ABLIM1: variants seen among roughly 807,000 people sequenced by gnomAD.
ABLIM1 encodes actin-binding LIM protein 1.
Under a neutral mutation model 107.0 loss-of-function variants are expected in ABLIM1, and 40 were observed. That is an observed-to-expected ratio of 0.37 (90% CI 0.29 to 0.49). The LOEUF (loss-of-function observed/expected upper bound fraction) is 0.49. Among genes scored for constraint, ABLIM1 ranks in the 20% least tolerant of loss-of-function variants. The pLI is 0.97. For missense variants in ABLIM1, 857 were observed against 1,008.5 expected (o/e 0.85, Z 2.04); for synonymous variants, 357 against 357.3 (o/e 1.00, Z 0.01).
chr10:114,716,755 C>T (rs1198112321), intron 1 of ABLIM1, among the ~76,000 whole-genome samples: 1 of 150,190 alleles, frequency 6.7e-6, no homozygotes, highest in African/African-American at 2.5e-5. Context: ...TCGTGCAGGT[C>T]TTCAATATTG....
At chr10:114,613,642 C>A (rs1192905777) in intron 1 of ABLIM1, 2 of 1,317,420 alleles carry the variant, frequency 1.5e-6, no homozygotes, top group African/African-American at 1.5e-5. Context: ...AATAAAGACA[C>A]AAACCTGCCC....
upstream of ABLIM1, chr10:114,768,084 G>C: frequency 2.3e-6 from 1 of 429,610 alleles, no homozygotes; most frequent in South Asian, 1.6e-5. Context: ...GGTGCAGGCA[G>C]CGGGAGCCGG....
At chr10:114,452,555 G>T (rs1431715962) in intron 13 of ABLIM1, among the ~76,000 whole-genome samples, 1 of 152,114 alleles carries the variant, frequency 6.6e-6, no homozygotes, top group African/African-American at 2.4e-5. Flanking sequence ...AATGATTATA[G>T]ATTCTAAATA....
chr10:114,448,864 C>T (rs896367970), intron 14 of ABLIM1, among the ~76,000 whole-genome samples: 2 of 152,174 alleles, frequency 1.3e-5, no homozygotes, highest in African/African-American at 4.8e-5. Context: ...CCCACCATGG[C>T]CTCCCAAAGT....
intron 1 of ABLIM1, among the ~76,000 whole-genome samples, chr10:114,720,924 T>C (rs1030141548): frequency 2.0e-5 from 3 of 152,168 alleles, no homozygotes; most frequent in African/African-American, 7.2e-5. Flanking sequence ...AAAGAAGTTA[T>C]TCCCAGCAGT....
intron 6 of ABLIM1, among the ~76,000 whole-genome samples, chr10:114,521,052 A>C (rs960364472): frequency 1.3e-5 from 2 of 152,222 alleles, no homozygotes; most frequent in Non-Finnish European, 2.9e-5. Context: ...TTATGAACTG[A>C]TAGGCTCATG....
chr10:114,540,838 C>T (rs2066565994), intron 6 of ABLIM1, among the ~76,000 whole-genome samples: 1 of 152,152 alleles, frequency 6.6e-6, no homozygotes, highest in Non-Finnish European at 1.5e-5. Context: ...ATTTCCCAGG[C>T]TTACTCAAGC....
chr10:114,792,795 AATGTCTCT>A, the ABLIM1 span, among the ~76,000 whole-genome samples: 1 of 152,174 alleles, frequency 6.6e-6, no homozygotes, highest in Non-Finnish European at 1.5e-5. Flanking sequence ...CTGCTTTATC[AATGTCTCT>A]ATGTGGAGAT....
chr10:114,752,367 G>C (rs1164836370), intron 1 of ABLIM1, among the ~76,000 whole-genome samples: 1 of 152,144 alleles, frequency 6.6e-6, no homozygotes, highest in African/African-American at 2.4e-5. Context: ...GTGCCATTTT[G>C]ATTATTTTTA....
intron 8 of ABLIM1, among the ~76,000 whole-genome samples, chr10:114,482,660 T>C (rs76503980): frequency 0.033 from 5,051 of 152,236 alleles, 237 homozygotes; most frequent in African/African-American, 0.11. Flanking sequence ...CAACTTTCTG[T>C]GATGGAGCTA....
intron 1 of ABLIM1, among the ~76,000 whole-genome samples, chr10:114,715,309 C>A (rs757549254): frequency 1.3e-5 from 2 of 152,146 alleles, no homozygotes; most frequent in African/African-American, 4.8e-5. Flanking sequence ...GCTAGCCAAA[C>A]ACCATTAATT....
At chr10:114,622,609 TA>T (rs2077540383) in intron 1 of ABLIM1, among the ~76,000 whole-genome samples, 1 of 152,094 alleles carries the variant, frequency 6.6e-6, no homozygotes, top group African/African-American at 2.4e-5. Context: ...ACAACAGAAA[TA>T]AACAGAAGAA....
intron 17 of ABLIM1, among the ~76,000 whole-genome samples, chr10:114,443,309 A>G (rs923492145): frequency 6.2e-5 from 9 of 145,806 alleles, no homozygotes; most frequent in Non-Finnish European, 1.3e-4. Context: ...TGTATTGAAG[A>G]TTTTTTTTCT....
intron 6 of ABLIM1, chr10:114,502,007 T>G (rs1276010412): frequency 1.3e-5 from 2 of 152,424 alleles, no homozygotes; most frequent in African/African-American, 4.8e-5. Flanking sequence ...TCAGTATTAT[T>G]TATTGACATA....
At chr10:114,641,215 G>A (rs145070963) in intron 1 of ABLIM1, among the ~76,000 whole-genome samples, 74 of 125,574 alleles carry the variant, frequency 5.9e-4, no homozygotes, top group African/African-American at 2.1e-3. Flanking sequence ...GACCTCTGCT[G>A]CCAAATGAGA....
intron 2 of ABLIM1, among the ~76,000 whole-genome samples, chr10:114,591,683 A>G (rs1223335160): frequency 1.3e-5 from 2 of 152,222 alleles, no homozygotes; most frequent in Non-Finnish European, 2.9e-5. Flanking sequence ...AGTCTTAGCG[A>G]CCTGGATTTA....
At chr10:114,568,536 G>C (rs1167516764) in intron 4 of ABLIM1, among the ~76,000 whole-genome samples, 1 of 152,194 alleles carries the variant, frequency 6.6e-6, no homozygotes, top group Non-Finnish European at 1.5e-5. Flanking sequence ...TCTGAAACTT[G>C]CCAGAAATTC....
At chr10:114,790,205 G>A in the ABLIM1 span, among the ~76,000 whole-genome samples, 8 of 151,314 alleles carry the variant, frequency 5.3e-5, no homozygotes, top group African/African-American at 1.9e-4. Flanking sequence ...CTGGAATATA[G>A]AGGTTCCTAT....
intron 6 of ABLIM1, among the ~76,000 whole-genome samples, chr10:114,514,135 G>A (rs2062394276): frequency 6.6e-6 from 1 of 152,100 alleles, no homozygotes; most frequent in Non-Finnish European, 1.5e-5. Flanking sequence ...ATAATTAAGT[G>A]AAATGAGGCC....
Sources: gnomAD v4.1 joint callset for allele counts (sites outside exome capture counted in the v4.1 genomes callset) on GRCh38, gnomAD v4.1.1 for gene constraint, MANE v1.5 for transcripts, NCBI Gene and HGNC (gene_info 2026-07-23, HGNC 2026-07-21) for gene names.